Variants in KCNQ1 observed in about 807,000 individuals in gnomAD.
KCNQ1 encodes the protein potassium voltage-gated channel subfamily KQT member 1.
KCNQ1 carries 49 observed loss-of-function variants against 72.4 expected under a neutral mutation model. The observed-to-expected ratio is 0.68, with a 90% CI of 0.54 to 0.86. The LOEUF (loss-of-function observed/expected upper bound fraction) is 0.86. KCNQ1 is among the 40% of genes least tolerant of loss of function. KCNQ1 has a pLI of 0.00. For missense variants in KCNQ1, 790 were observed against 945.1 expected (o/e 0.84, Z 2.15); for synonymous variants, 450 against 412.6 (o/e 1.09, Z -1.10).
rs778517729 is a variant in KCNQ1, at chr11:2,477,879, C to T, written c.386+32395C>T. 1.3e-5 allele frequency among the ~76,000 whole-genome samples: 2 copies of T among 152,138 alleles called. No individual in the cohort carries two copies. The highest frequency in any genetic ancestry group is 6.5e-5 in the Admixed American group (1 of 15,276). On this transcript the variant is annotated intron_variant, in intron 1 of 15. Transcript: ENST00000155840. The surrounding 1 kb of genome is among the most constrained non-coding windows in gnomAD (Gnocchi z 5.0). ...GTGGAAGAAAGGAATCCAGTTCTCA[C>T]GTTAGAATCAACAGGGCTGGAAGGC...
intron 10 of KCNQ1, among the ~76,000 whole-genome samples, chr11:2,589,466 G>A (rs1269187074): frequency 6.6e-6 from 1 of 152,238 alleles, no homozygotes; most frequent in Non-Finnish European, 1.5e-5. Flanking sequence ...GGGTTTAGAT[G>A]TCCTCCATCC....
At chr11:2,700,360 G>A (rs556791780) in intron 11 of KCNQ1, among the ~76,000 whole-genome samples, 60 of 152,238 alleles carry the variant, frequency 3.9e-4, no homozygotes, top group African/African-American at 1.4e-3. Context: ...CCAGTTCTCT[G>A]CGTGATGTGT....
intron 15 of KCNQ1, among the ~76,000 whole-genome samples, chr11:2,794,886 G>GA (rs1413024475): frequency 1.3e-5 from 2 of 152,182 alleles, no homozygotes; most frequent in African/African-American, 2.4e-5. Flanking sequence ...CTTGTCTCTT[G>GA]AAAGCAAGAT....
intron 1 of KCNQ1, among the ~76,000 whole-genome samples, chr11:2,519,782 CA>C (rs34164775): frequency 0.65 from 84,149 of 129,850 alleles, 23,853 homozygotes; most frequent in Non-Finnish European, 0.68. Flanking sequence ...GGCCCCCCCC[CA>C]CAACATTGGT....
chr11:2,513,672 C>A (rs1847244998), intron 1 of KCNQ1, among the ~76,000 whole-genome samples: 2 of 152,220 alleles, frequency 1.3e-5, no homozygotes, highest in Non-Finnish European at 1.5e-5. Flanking sequence ...GCCACCCTGG[C>A]CGCTGTTTCT....
At chr11:2,534,974 G>A (rs367803701) in intron 2 of KCNQ1, among the ~76,000 whole-genome samples, 1 of 152,208 alleles carries the variant, frequency 6.6e-6, no homozygotes, top group East Asian at 1.9e-4. Flanking sequence ...GTTCCTGTCT[G>A]CACTGAGCCC....
chr11:2,643,606 C>T, intron 10 of KCNQ1: 1 of 398,408 alleles, frequency 2.5e-6, no homozygotes, highest in Non-Finnish European at 4.4e-6. Flanking sequence ...GTCCATTCAG[C>T]CAGTCTGTCT....
chr11:2,449,062 G>A (rs927375159), intron 1 of KCNQ1, among the ~76,000 whole-genome samples: 11 of 152,236 alleles, frequency 7.2e-5, no homozygotes, highest in Admixed American at 5.9e-4. Context: ...GCAGTGCCTG[G>A]TGGGCATGGA....
At position 2,762,426 on chromosome 11, in the gene KCNQ1, A is replaced by G. The variant is rs1432616185; in HGVS notation, c.1515-6418A>G. Among the ~76,000 whole-genome samples, 1 of 152,182 alleles carries G rather than the reference A, an allele frequency of 6.6e-6. No individual in the cohort carries two copies. Among genetic ancestry groups the G allele is most frequent in the Non-Finnish European group, 1.5e-5 (1 of 68,032 alleles). The stretch of plus-strand genomic sequence containing the variant: ...ATGGTTGACATACTTTCACAGGTGC[A>G]TCCACATTGTTCCAGCACCCTTTAT... On this transcript the variant is annotated intron_variant, in intron 11 of 15. Transcript: ENST00000155840. The surrounding 1 kb of genome is among the most constrained non-coding windows in gnomAD (Gnocchi z 4.3).
chr11:2,496,649 T>C (rs1056543351), intron 1 of KCNQ1, among the ~76,000 whole-genome samples: 1 of 152,068 alleles, frequency 6.6e-6, no homozygotes, highest in African/African-American at 2.4e-5. Flanking sequence ...TTTGCCAGTC[T>C]GTGTCTTTTA....
Position 2,515,545 on chromosome 11 carries a change from ACCAGGCCTCGC to A in KCNQ1, c.387-12376_387-12366del, listed in dbSNP as rs921818170. On this transcript the variant is annotated intron_variant, in intron 1 of 15. Transcript: ENST00000155840. This position sits in a 1 kb window ranked among gnomAD's most constrained non-coding sequence, Gnocchi z 4.7. ...GGGGTGAGGGGACAAGGCTGCTGGG[ACCAGGCCTCGC>A]CCAGGCAGAGCCTCGCCATTTCTGG... 6.6e-6 allele frequency among the ~76,000 whole-genome samples: 1 copy of A among 151,700 alleles called. No individual in the cohort carries two copies. The highest frequency in any genetic ancestry group is 6.6e-5 in the Admixed American group (1 of 15,262).
In KCNQ1 at chr11:2,674,119, G is replaced by A; in HGVS notation, c.1514+12038G>A. The A allele has an allele frequency of 5.0e-6, 2 of 398,692 alleles. No individual in the cohort carries two copies. The highest frequency in any genetic ancestry group is 4.4e-6 in the Non-Finnish European group (1 of 226,156). 24.7% of individuals were successfully genotyped at this position (398,692 alleles called of 1,614,324 possible). A position where few individuals can be genotyped will look rare whatever the true frequency, so the allele number is the denominator to read the frequency against. ...GGTGGGGAGGGAGGTGTGGAAGCTG[G>A]TTTGCCGGGGCCACCCAGTGTGGGC... On this transcript the variant is annotated intron_variant, in intron 11 of 15. Coordinates refer to ENST00000155840, the MANE Select transcript of KCNQ1 (RefSeq NM_000218.3). The surrounding 1 kb of genome is among the most constrained non-coding windows in gnomAD (Gnocchi z 5.9).
intron 2 of KCNQ1, among the ~76,000 whole-genome samples, chr11:2,569,615 C>T (rs537915991): frequency 2.0e-5 from 3 of 152,330 alleles, no homozygotes; most frequent in South Asian, 4.1e-4. Context: ...GCCTCTCACA[C>T]GTGGGGGCTG....
chr11:2,648,981 C>CT, intron 10 of KCNQ1: 5,277 of 311,516 alleles, frequency 0.017, 26 homozygotes, highest in African/African-American at 0.028. Context: ...TTTTCTTTTT[C>CT]TTTTTTTTTT....
intron 11 of KCNQ1, chr11:2,684,113 A>T (rs231356): frequency 0.34 from 134,927 of 398,404 alleles, 27,240 homozygotes; most frequent in East Asian, 0.83. Flanking sequence ...TTTCACATAG[A>T]TTCTTAAGGG....
rs1846948089 is a variant in KCNQ1, at chr11:2,497,863, C to T, written c.387-30065C>T. Among the ~76,000 whole-genome samples, 5 of 152,124 alleles carry T rather than the reference C, an allele frequency of 3.3e-5. No homozygotes were observed. The South Asian group carries it at 1.0e-3, about 32-fold the overall frequency. ...TGGATGGGGTTTTTGTGTGGGGGGT[C>T]CCTTTTGTTGATGTTGATTTTGTTG... On this transcript the variant is annotated intron_variant, in intron 1 of 15. Coordinates refer to ENST00000155840, the MANE Select transcript of KCNQ1 (RefSeq NM_000218.3). This position sits in a 1 kb window ranked among gnomAD's most constrained non-coding sequence, Gnocchi z 4.5.
intron 15 of KCNQ1, 99 bp from the exon 16 acceptor site, chr11:2,847,668 G>A: frequency 1.7e-6 from 2 of 1,143,110 alleles, no homozygotes; most frequent in Non-Finnish European, 2.6e-6. Flanking sequence ...GAGACGGTTG[G>A]CACCTTCCCT....
At chr11:2,780,976 C>T (rs1469292224) in intron 15 of KCNQ1, among the ~76,000 whole-genome samples, 2 of 152,168 alleles carry the variant, frequency 1.3e-5, no homozygotes, top group African/African-American at 4.8e-5. Flanking sequence ...GTCCTGGTGG[C>T]TTAGGTTCTG....
At chr11:2,842,140 C>T (rs948577100) in intron 15 of KCNQ1, among the ~76,000 whole-genome samples, 8 of 152,190 alleles carry the variant, frequency 5.3e-5, no homozygotes, top group East Asian at 1.9e-4. Context: ...AGCCTCTGAG[C>T]GGACACACTC....
Sources: gnomAD v4.1 joint callset for allele counts (sites outside exome capture counted in the v4.1 genomes callset) on GRCh38, gnomAD v4.1.1 for gene constraint, Gnocchi (gnomAD v3.1) non-coding constraint, MANE v1.5 for transcripts, NCBI Gene and HGNC (gene_info 2026-07-23, HGNC 2026-07-21) for gene names.